ATP11C: variants seen among roughly 807,000 people sequenced by gnomAD.
The protein encoded by ATP11C is phospholipid-transporting ATPase IG.
ATP11C carries 36 observed loss-of-function variants against 97.4 expected under a neutral mutation model. The observed-to-expected ratio is 0.37, with a 90% CI of 0.28 to 0.49. The LOEUF is 0.49. ATP11C is among the 20% of genes least tolerant of loss of function. The pLI is 0.98. For missense variants in ATP11C, 730 were observed against 824.6 expected (o/e 0.89, Z 1.40); for synonymous variants, 275 against 290.9 (o/e 0.95, Z 0.56).
intron 1 of ATP11C, among the ~76,000 whole-genome samples, chrX:139,839,268 T>G (rs1463428384): frequency 9.0e-6 from 1 of 111,589 alleles, no homozygotes; most frequent in Non-Finnish European, 1.9e-5. Context: ...GAGTTTCCTT[T>G]TAAGGAGATA....
At chrX:139,832,527 C>A (rs1220172734) in intron 1 of ATP11C, among the ~76,000 whole-genome samples, 4 of 112,784 alleles carry the variant, frequency 3.5e-5, no homozygotes, top group East Asian at 5.6e-4. Context: ...ATATCAGTAT[C>A]TTACACCACA....
At chrX:139,829,975 G>A (rs755406581) in intron 1 of ATP11C, among the ~76,000 whole-genome samples, 1 of 111,587 alleles carries the variant, frequency 9.0e-6, no homozygotes, top group Admixed American at 9.5e-5. Flanking sequence ...AAAATGAAAA[G>A]CCATTGGAAA....
chrX:139,786,572 A>C (rs1792614051), intron 15 of ATP11C, among the ~76,000 whole-genome samples: 1 of 112,423 alleles, frequency 8.9e-6, no homozygotes, highest in Non-Finnish European at 1.9e-5. Context: ...CCAGAATGAA[A>C]GTCAGATAAC....
rs183502243 is a variant in ATP11C at position 139,740,976 on chromosome X, T to A, written c.3134+15A>T. The A allele has an allele frequency of 2.4e-4, 255 of 1,069,745 alleles. 1 individual carries two copies. In the African/African-American group the frequency reaches 4.5e-3, roughly 19 times the overall value. The allele number at this position is 1,069,745 out of a possible 1,213,427, so 88.2% of individuals were successfully genotyped here. On this transcript the variant is annotated intron_variant, in intron 27 of 29. Coordinates refer to ENST00000682941, the MANE Select transcript of ATP11C (RefSeq NM_001353812.2). ...TTGCTATTTACATATTGCTCACACA[T>A]GTACAATTGCTTACCAAATAATTCC...
Position 139,768,409 on chromosome X carries a change from C to A in ATP11C, c.2242G>T (p.Gly748Ter). Reference sequence around the variant, plus strand: ...AATGTGGAGCCATCTATGATTAATCCATATTCCTGATGTTCTGTCCATGCT... The same window carrying A: ...AATGTGGAGCCATCTATGATTAATCAATATTCCTGATGTTCTGTCCATGCT... ...KKAWTEHQEY[G>*]LIIDGSTLSL... Residue 748 changes from glycine to a stop codon, truncating the protein, a stop_gained, in exon 20 of 30, where the codon GGA (glycine) becomes TGA (stop). Transcript: ENST00000682941. LOFTEE classifies it high-confidence loss of function. 8.8e-7 allele frequency: 1 copy of A among 1,133,029 alleles called. No individual in the cohort carries two copies. The highest frequency in any genetic ancestry group is 1.2e-6 in the Non-Finnish European group (1 of 850,904). 93.4% of individuals were successfully genotyped at this position (1,133,029 alleles called of 1,213,427 possible). A position where few individuals can be genotyped will look rare whatever the true frequency, so the allele number is the denominator to read the frequency against.
At chrX:139,887,970 CAAA>C (rs751646437) in intron 1 of ATP11C, among the ~76,000 whole-genome samples, 1 of 45,565 alleles carries the variant, frequency 2.2e-5, no homozygotes, top group Non-Finnish European at 4.0e-5. Context: ...GACTCCGTCT[CAAA>C]AAAAAAAAAA....
chrX:139,933,654 C>A (rs2085486151), upstream of ATP11C, among the ~76,000 whole-genome samples: 1 of 112,104 alleles, frequency 8.9e-6, no homozygotes, highest in African/African-American at 3.2e-5. Context: ...ACGAGTCTTC[C>A]GCCTCGCCGC....
chrX:139,929,012 G>C (rs1211229669), intron 1 of ATP11C, among the ~76,000 whole-genome samples: 1 of 112,343 alleles, frequency 8.9e-6, no homozygotes, highest in East Asian at 2.8e-4. Context: ...ATAGTCACTA[G>C]GAATTGCATT....
chrX:139,854,468 G>A (rs769541323), intron 1 of ATP11C, among the ~76,000 whole-genome samples: 1 of 111,932 alleles, frequency 8.9e-6, no homozygotes. Context: ...AAAAAGGGGG[G>A]AGGAGAATTT....
At chrX:139,786,379 C>T (rs1480041275) in intron 15 of ATP11C, among the ~76,000 whole-genome samples, 3 of 111,180 alleles carry the variant, frequency 2.7e-5, no homozygotes. Flanking sequence ...TGCTGTTGGC[C>T]AGATGTGGGC....
chrX:139,820,801 G>A (rs1474465876), intron 2 of ATP11C, among the ~76,000 whole-genome samples: 2 of 111,108 alleles, frequency 1.8e-5, no homozygotes, highest in Non-Finnish European at 3.8e-5. Context: ...AAAAATCATT[G>A]AATTTTTCAG....
intron 1 of ATP11C, among the ~76,000 whole-genome samples, chrX:139,833,681 C>T (rs964695805): frequency 1.8e-5 from 2 of 110,500 alleles, no homozygotes; most frequent in Admixed American, 9.7e-5. Flanking sequence ...GAGTAAAGAC[C>T]CCATCTCTTT....
At chrX:139,838,688 C>A (rs2083783036) in intron 1 of ATP11C, among the ~76,000 whole-genome samples, 1 of 112,525 alleles carries the variant, frequency 8.9e-6, no homozygotes, top group African/African-American at 3.2e-5. Flanking sequence ...GTGGCTCATG[C>A]CTGTAATCAC....
intron 5 of ATP11C, 116 bp from the exon 6 acceptor site, chrX:139,804,715 A>G (rs1485618200): frequency 2.0e-5 from 10 of 510,937 alleles, no homozygotes; most frequent in Non-Finnish European, 3.1e-5. Flanking sequence ...CTTTGAGAGT[A>G]TCTCAGCATC....
chrX:139,916,225 T>TC (rs2085154188), intron 1 of ATP11C, among the ~76,000 whole-genome samples: 1 of 33,583 alleles, frequency 3.0e-5, no homozygotes, highest in Non-Finnish European at 1.2e-4. Context: ...CAAGACTCTG[T>TC]CTTAAAAAAA....
intron 1 of ATP11C, among the ~76,000 whole-genome samples, chrX:139,901,192 C>A (rs2084894674): frequency 9.0e-6 from 1 of 111,491 alleles, no homozygotes; most frequent in Non-Finnish European, 1.9e-5. Context: ...CAAAAGAATG[C>A]CCAAATGAAG....
At chrX:139,770,770 G>T (rs1032554458) in intron 19 of ATP11C, among the ~76,000 whole-genome samples, 2 of 111,616 alleles carry the variant, frequency 1.8e-5, no homozygotes, top group African/African-American at 6.5e-5. Flanking sequence ...ATCTGAGACA[G>T]TGACAGTAAA....
At chrX:139,813,145 T>C (rs1228558594) in intron 5 of ATP11C, among the ~76,000 whole-genome samples, 2 of 111,806 alleles carry the variant, frequency 1.8e-5, no homozygotes, top group East Asian at 2.8e-4. Context: ...AATGAAGATA[T>C]ACAGATGACA....
In ATP11C at chrX:139,933,027, T is replaced by C. The variant is rs2085468805; in HGVS notation, c.-985A>G. On this transcript the variant is annotated 5_prime_UTR_variant, in exon 1 of 30. Transcript: ENST00000682941. ...TAAGCCTTCTTACTTCCACTTTCTC[T>C]GAGGTTGTAAAGTCAGGCTTTGTGT... 1 of 112,113 alleles carries C rather than the reference T, an allele frequency of 8.9e-6. No individual in the cohort carries two copies. The highest frequency in any genetic ancestry group is 1.9e-5 in the Non-Finnish European group (1 of 53,084). 9.2% of individuals were successfully genotyped at this position (112,113 alleles called of 1,213,427 possible). A position where few individuals can be genotyped will look rare whatever the true frequency, so the allele number is the denominator to read the frequency against.
Sources: gnomAD v4.1 joint callset for allele counts (sites outside exome capture counted in the v4.1 genomes callset) on GRCh38, gnomAD v4.1.1 for gene constraint, MANE v1.5 for transcripts, NCBI Gene and HGNC (gene_info 2026-07-23, HGNC 2026-07-21) for gene names.